Variants in SLC25A21 observed in about 807,000 individuals in gnomAD.
The protein encoded by SLC25A21 is solute carrier family 25 member 21.
In SLC25A21, 47 loss-of-function variants were observed where a neutral mutation model predicts 43.8. The ratio of observed to expected loss-of-function variants is 1.07; its 90% CI spans 0.85 to 1.37. The LOEUF is 1.37. Among genes scored for constraint, SLC25A21 ranks in the 40% most tolerant of loss-of-function variants. SLC25A21 has a pLI of 0.00. For synonymous variants in SLC25A21, 131 were observed against 121.3 expected, an observed-to-expected ratio of 1.08 and a Z score of -0.52; for missense variants, 352 against 350.2, an observed-to-expected ratio of 1.00 and a Z score of -0.04.
At chr14:37,040,379 GAAAGAAAGAA>G (rs1566835469) in intron 1 of SLC25A21, among the ~76,000 whole-genome samples, 1 of 51,452 alleles carries the variant, frequency 1.9e-5, no homozygotes, top group Admixed American at 1.6e-4. Context: ...GAGAGAGAAA[GAAAGAAAGAA>G]AGAAAGAAAG....
rs1192386366 is a variant in SLC25A21 at position 36,777,173 on chromosome 14, G to A, written c.203+36745C>T. ...CTTGGGAGGCTGAGGCAGGAGAATCGCTTGAACTTGGGAGGCGGATGTTGC... is the reference window on the plus strand; with the variant it reads ...CTTGGGAGGCTGAGGCAGGAGAATCACTTGAACTTGGGAGGCGGATGTTGC... On this transcript the variant is annotated intron_variant, in intron 3 of 9. Coordinates refer to ENST00000331299, the MANE Select transcript of SLC25A21 (RefSeq NM_030631.4). Among the ~76,000 whole-genome samples, 6 of 152,124 alleles carry A rather than the reference G, an allele frequency of 3.9e-5. No homozygotes were observed. The East Asian group carries it at 7.7e-4, about 20-fold the overall frequency.
At chr14:37,085,999 G>A (rs1178185439) in intron 1 of SLC25A21, among the ~76,000 whole-genome samples, 5 of 152,068 alleles carry the variant, frequency 3.3e-5, no homozygotes, top group African/African-American at 7.2e-5. Flanking sequence ...CAGCTACTCC[G>A]GAGGCTGAGG....
chr14:36,754,378 T>C (rs1346097018), intron 3 of SLC25A21, among the ~76,000 whole-genome samples: 2 of 152,130 alleles, frequency 1.3e-5, no homozygotes, highest in East Asian at 1.9e-4. Context: ...CTCTTCTACT[T>C]CCTTAAGGCT....
intron 2 of SLC25A21, among the ~76,000 whole-genome samples, chr14:36,840,381 T>G (rs1355934865): frequency 1.3e-5 from 2 of 152,236 alleles, no homozygotes; most frequent in African/African-American, 4.8e-5. Context: ...ATCTTTTGAA[T>G]GAATTGTTTC....
chr14:37,143,591 TG>T (rs1963607364), intron 1 of SLC25A21, among the ~76,000 whole-genome samples: 4 of 35,032 alleles, frequency 1.1e-4, no homozygotes, highest in Admixed American at 1.0e-3. Flanking sequence ...TTCATTAGCG[TG>T]TGTGTGTGTG....
At chr14:36,752,511 G>A (rs1268557487) in intron 3 of SLC25A21, among the ~76,000 whole-genome samples, 1 of 152,200 alleles carries the variant, frequency 6.6e-6, no homozygotes, top group Non-Finnish European at 1.5e-5. Context: ...ATCCATTGAT[G>A]TCTGAATAAA....
intron 6 of SLC25A21, among the ~76,000 whole-genome samples, chr14:36,717,623 A>G (rs958292541): frequency 6.6e-6 from 1 of 152,230 alleles, no homozygotes; most frequent in African/African-American, 2.4e-5. Flanking sequence ...CTGTGGCCAC[A>G]TGGGTTACGA....
rs1882182819 is a variant in SLC25A21 at position 36,680,465 on chromosome 14, A to AGTT, written c.*190_*192dup. Reference sequence around the variant, plus strand: ...TTTCATATTATTTTTTTCTTCTCACAGTTTTATTTATACAGCCAAAACTAT... The same window carrying AGTT: ...TTTCATATTATTTTTTTCTTCTCACAGTTGTTTTATTTATACAGCCAAAACTAT... On this transcript the variant is annotated 3_prime_UTR_variant, in exon 10 of 10. Transcript: ENST00000331299. 1.7e-6 allele frequency: 2 copies of AGTT among 1,211,538 alleles called. No individual in the cohort carries two copies. The highest frequency in any genetic ancestry group is 2.1e-6 in the Non-Finnish European group (2 of 971,078). The allele number at this position is 1,211,538 out of a possible 1,614,324, so 75.0% of individuals were successfully genotyped here.
chr14:36,711,262 A>T, intron 7 of SLC25A21, 56 bp downstream of exon 7: 2 of 1,488,478 alleles, frequency 1.3e-6, no homozygotes, highest in Non-Finnish European at 1.9e-6. Context: ...CTACAAACGG[A>T]GCTATCATCA....
At chr14:36,874,177 A>T (rs577821887) in intron 2 of SLC25A21, among the ~76,000 whole-genome samples, 5 of 152,180 alleles carry the variant, frequency 3.3e-5, no homozygotes, top group African/African-American at 1.2e-4. Context: ...ATATTTCCTA[A>T]TTGAGGCAGT....
At chr14:36,984,608 T>A (rs536320208) in intron 1 of SLC25A21, among the ~76,000 whole-genome samples, 1 of 152,102 alleles carries the variant, frequency 6.6e-6, no homozygotes, top group Non-Finnish European at 1.5e-5. Flanking sequence ...CCTTTGTAGG[T>A]TTAAGCGTTT....
intron 1 of SLC25A21, among the ~76,000 whole-genome samples, chr14:36,961,484 A>G (rs1485874124): frequency 1.3e-5 from 2 of 152,186 alleles, no homozygotes; most frequent in African/African-American, 4.8e-5. Context: ...GCTTCGCGAG[A>G]AAGTGACCAC....
chr14:36,950,366 G>A (rs1892778809), intron 1 of SLC25A21, among the ~76,000 whole-genome samples: 2 of 152,134 alleles, frequency 1.3e-5, no homozygotes, highest in Admixed American at 1.3e-4. Context: ...GGGGTCGTAA[G>A]AAGGACCTTC....
At chr14:36,737,560 AC>A (rs1156782250) in intron 3 of SLC25A21, among the ~76,000 whole-genome samples, 5 of 152,170 alleles carry the variant, frequency 3.3e-5, no homozygotes, top group African/African-American at 9.7e-5. Flanking sequence ...AGCTAGGACT[AC>A]CTACCTCCTC....
At chr14:37,141,624 T>C (rs1316009637) in intron 1 of SLC25A21, among the ~76,000 whole-genome samples, 1 of 152,260 alleles carries the variant, frequency 6.6e-6, no homozygotes, top group Admixed American at 6.5e-5. Flanking sequence ...TCCATCTTTT[T>C]CCTAGTAGAT....
At chr14:37,106,332 A>G (rs1159943627) in intron 1 of SLC25A21, among the ~76,000 whole-genome samples, 3 of 152,102 alleles carry the variant, frequency 2.0e-5, no homozygotes, top group Non-Finnish European at 4.4e-5. Context: ...CCTAGCAAGT[A>G]ATATTATTAT....
At chr14:37,034,418 A>G (rs1306937234) in intron 1 of SLC25A21, among the ~76,000 whole-genome samples, 1 of 152,188 alleles carries the variant, frequency 6.6e-6, no homozygotes, top group Non-Finnish European at 1.5e-5. Context: ...AGTCCATCCA[A>G]AATCACTTGG....
At position 37,004,434 on chromosome 14, in the gene SLC25A21, T is replaced by C. The variant is rs115177915; in HGVS notation, c.71-129430A>G. 6.9e-3 allele frequency among the ~76,000 whole-genome samples: 1,051 copies of C among 152,350 alleles called. 14 individuals are homozygous for C. Among genetic ancestry groups the C allele is most frequent in the African/African-American group, 0.024 (1,000 of 41,584 alleles). ...CTGCAGAGTCAACACATGCATTTCA[T>C]GTTAATGCTGTGTTTGAGGACACCT... is the stretch of plus-strand genomic sequence containing the variant. On this transcript the variant is annotated intron_variant, in intron 1 of 9. Transcript: ENST00000331299.
At chr14:37,099,781 T>C (rs572243038) in intron 1 of SLC25A21, among the ~76,000 whole-genome samples, 1 of 152,278 alleles carries the variant, frequency 6.6e-6, no homozygotes, top group African/African-American at 2.4e-5. Flanking sequence ...TTTTCCTCCT[T>C]TTCCAGATTC....
Sources: allele counts gnomAD v4.1 joint callset (sites outside exome capture counted in the v4.1 genomes callset), GRCh38; gene constraint gnomAD v4.1.1; transcripts MANE v1.5; gene names NCBI Gene and HGNC (gene_info 2026-07-23, HGNC 2026-07-21).